Variants in KHDRBS2 observed in about 807,000 individuals in gnomAD.
KHDRBS2 encodes the protein KH domain-containing, RNA-binding, signal transduction-associated protein 2.
A neutral mutation model predicts 44.3 loss-of-function variants in KHDRBS2; 26 were observed. The observed-to-expected ratio is 0.59, with a 90% CI of 0.43 to 0.81. KHDRBS2 has a LOEUF of 0.81. KHDRBS2 is among the 40% of genes least tolerant of loss of function. KHDRBS2 has a pLI of 0.00. For synonymous variants in KHDRBS2, 194 were observed against 151.1 expected (o/e 1.28, Z -2.08); for missense variants, 476 against 433.1 (o/e 1.10, Z -0.88).
At chr6:61,960,899 C>T (rs77873721) in intron 4 of KHDRBS2, among the ~76,000 whole-genome samples, 1,966 of 152,168 alleles carry the variant, frequency 0.013, 48 homozygotes, top group African/African-American at 0.044. Context: ...CCACTGAGTG[C>T]ATGAAGCAGT....
At chr6:61,766,780 T>A (rs1387744724) in intron 6 of KHDRBS2, among the ~76,000 whole-genome samples, 2 of 152,146 alleles carry the variant, frequency 1.3e-5, no homozygotes, top group Non-Finnish European at 2.9e-5. Flanking sequence ...TAAAAGTTCC[T>A]CTTGTTACCA....
chr6:61,819,731 A>G (rs1789577452), intron 6 of KHDRBS2, among the ~76,000 whole-genome samples: 1 of 152,060 alleles, frequency 6.6e-6, no homozygotes, highest in South Asian at 2.1e-4. Flanking sequence ...AGAAAAATAA[A>G]CAAATGAACA....
In KHDRBS2 at chr6:61,897,226, A is replaced by G. The variant is rs553224712; in HGVS notation, c.612-2393T>C. The stretch of plus-strand genomic sequence containing the variant: ...CATACCCTAGGCCAATTAAACCACA[A>G]TCTCTGGAGACAGGGAGCTCCCAGT... On this transcript the variant is annotated intron_variant, in intron 5 of 8. Coordinates refer to ENST00000281156, the MANE Select transcript of KHDRBS2 (RefSeq NM_152688.4). 2.6e-5 allele frequency among the ~76,000 whole-genome samples: 4 copies of G among 152,236 alleles called. No individual in the cohort carries two copies. The South Asian group carries it at 8.3e-4, about 32-fold the overall frequency.
At chr6:62,252,824 G>A (rs976707508) in intron 1 of KHDRBS2, among the ~76,000 whole-genome samples, 2 of 151,820 alleles carry the variant, frequency 1.3e-5, no homozygotes, top group Admixed American at 1.3e-4. Context: ...TTCTTCTTCA[G>A]GTCAGTCTAT....
chr6:62,197,441 T>C (rs1825934060), intron 1 of KHDRBS2, among the ~76,000 whole-genome samples: 1 of 152,158 alleles, frequency 6.6e-6, no homozygotes, highest in Admixed American at 6.6e-5. Flanking sequence ...GAAACTGTTC[T>C]TTAAGATTAC....
intron 4 of KHDRBS2, among the ~76,000 whole-genome samples, chr6:61,928,589 C>A (rs1402760009): frequency 6.6e-6 from 1 of 152,032 alleles, no homozygotes; most frequent in Non-Finnish European, 1.5e-5. Flanking sequence ...ACTCACAATA[C>A]ATTTTTCTGC....
intron 2 of KHDRBS2, among the ~76,000 whole-genome samples, chr6:62,093,759 GCCTTATTTAATTTA>G (rs1799947299): frequency 6.6e-6 from 1 of 151,326 alleles, no homozygotes. Context: ...TTCTGTGCTT[GCCTTATTTAATTTA>G]ACATAATGCC....
Position 62,285,901 on chromosome 6 carries a change from G to C in KHDRBS2, c.48C>G (p.Ser16Arg), listed in dbSNP as rs369920574. 1.4e-5 allele frequency: 22 copies of C among 1,613,360 alleles called. No individual in the cohort carries two copies. In the South Asian group the frequency reaches 2.4e-4, roughly 18 times the overall value. Residue 16 changes from serine to arginine, a missense_variant, in exon 1 of 9, where the codon AGC becomes AGG. Transcript: ENST00000281156. The stretch of plus-strand genomic sequence containing the variant: ...ACGCATGCACAAAAGATGGATCCAG[G>C]CTATCTTTCTCTGCCATCAGCTCAG... Reference protein sequence around the residue: ...YLPELMAEKDSLDPSFVHASR... With the variant: ...YLPELMAEKDRLDPSFVHASR...
intron 6 of KHDRBS2, among the ~76,000 whole-genome samples, chr6:61,845,217 A>G (rs963663102): frequency 1.3e-5 from 2 of 152,084 alleles, no homozygotes; most frequent in African/African-American, 4.8e-5. Context: ...GAAGCCAAAC[A>G]TATATAAGTA....
chr6:61,597,412 G>T, the KHDRBS2 span, among the ~76,000 whole-genome samples: 1 of 151,926 alleles, frequency 6.6e-6, no homozygotes, highest in Non-Finnish European at 1.5e-5. Context: ...GGCTCTGTGA[G>T]GTGAACAAGG....
the KHDRBS2 span, among the ~76,000 whole-genome samples, chr6:61,555,598 C>T: frequency 6.6e-6 from 1 of 152,148 alleles, no homozygotes; most frequent in African/African-American, 2.4e-5. Flanking sequence ...TTTTGAGTTG[C>T]CAGAGTTCTT....
chr6:62,247,104 C>T (rs1224865562), intron 1 of KHDRBS2, among the ~76,000 whole-genome samples: 1 of 151,938 alleles, frequency 6.6e-6, no homozygotes, highest in Non-Finnish European at 1.5e-5. Flanking sequence ...TCTTTGGTCT[C>T]ACACCTGTGG....
the KHDRBS2 span, among the ~76,000 whole-genome samples, chr6:61,646,523 A>G: frequency 1.3e-5 from 2 of 152,200 alleles, no homozygotes; most frequent in African/African-American, 4.8e-5. Flanking sequence ...TTTGGTAATT[A>G]TGGAGACACA....
At chr6:61,809,726 T>C (rs1458238170) in intron 6 of KHDRBS2, among the ~76,000 whole-genome samples, 1 of 152,134 alleles carries the variant, frequency 6.6e-6, no homozygotes, top group Middle Eastern at 3.2e-3. Context: ...CTTAGACACA[T>C]TCTGATCAAG....
At chr6:61,575,374 C>T in the KHDRBS2 span, among the ~76,000 whole-genome samples, 1 of 152,124 alleles carries the variant, frequency 6.6e-6, no homozygotes, top group Admixed American at 6.5e-5. Context: ...TGCTAAACAT[C>T]TCTAATTATC....
At chr6:62,158,903 G>T (rs948223693) in intron 2 of KHDRBS2, among the ~76,000 whole-genome samples, 1 of 151,676 alleles carries the variant, frequency 6.6e-6, no homozygotes, top group Non-Finnish European at 1.5e-5. Context: ...CAATCTCAAA[G>T]TTTCTCAATC....
intron 6 of KHDRBS2, among the ~76,000 whole-genome samples, chr6:61,825,107 G>A (rs1233091978): frequency 1.3e-5 from 2 of 151,932 alleles, no homozygotes; most frequent in Non-Finnish European, 2.9e-5. Context: ...TGAAATCAAG[G>A]AGGAAATTAT....
chr6:61,675,589 A>G (rs917729635), downstream of KHDRBS2, among the ~76,000 whole-genome samples: 18 of 151,944 alleles, frequency 1.2e-4, no homozygotes, highest in Non-Finnish European at 1.6e-4. Flanking sequence ...TCTAAATATT[A>G]CATAGTGACC....
the KHDRBS2 span, among the ~76,000 whole-genome samples, chr6:61,558,654 T>A: frequency 4.9e-4 from 75 of 152,336 alleles, no homozygotes; most frequent in Non-Finnish European, 9.3e-4. Flanking sequence ...TTCAAGTTTC[T>A]CCTTAATTTC....
Sources: gnomAD v4.1 joint callset for allele counts (sites outside exome capture counted in the v4.1 genomes callset) on GRCh38, gnomAD v4.1.1 for gene constraint, MANE v1.5 for transcripts, NCBI Gene and HGNC (gene_info 2026-07-23, HGNC 2026-07-21) for gene names.